The following UGT1A10 variants were observed in gnomAD, a reference collection of about 807,000 sequenced individuals.
UGT1A10 encodes UDP-glucuronosyltransferase 1A10.
In UGT1A10, 49 loss-of-function variants were observed where a neutral mutation model predicts 45.8. The ratio of observed to expected loss-of-function variants is 1.07; its 90% confidence interval spans 0.85 to 1.36. The LOEUF (loss-of-function observed/expected upper bound fraction) is 1.36, where lower values mean the gene tolerates loss of function less well. Ranked by LOEUF, UGT1A10 falls within the 40% of genes most tolerant of loss-of-function variation. The probability of loss-of-function intolerance (pLI) is 0.00; values close to 1 mark genes in which losing one functional copy is unlikely to be tolerated. For synonymous variants in UGT1A10, 284 were observed against 249.7 expected (o/e 1.14, Z -1.29); for missense variants, 745 against 668.6 (o/e 1.11, Z -1.26).
intron 1 of UGT1A10, among the ~76,000 whole-genome samples, chr2:233,710,469 T>C (rs2076133912): frequency 6.6e-6 from 1 of 152,238 alleles, no homozygotes; most frequent in Non-Finnish European, 1.5e-5. Context: ...AATGGGTGTG[T>C]AGTAGAATTT....
At chr2:233,719,270 A>T (rs775879041) in intron 1 of UGT1A10, 1 of 1,614,088 alleles carries the variant, frequency 6.2e-7, no homozygotes, top group South Asian at 1.1e-5. Flanking sequence ...ATGTGGTTTT[A>T]ACAGACCCCG....
chr2:233,767,793 GT>G, intron 2 of UGT1A10, 55 bp from the exon 3 acceptor site: 2 of 1,613,932 alleles, frequency 1.2e-6, no homozygotes, highest in Non-Finnish European at 1.7e-6. Context: ...TAGCAGATTT[GT>G]TTTCTAATCA....
rs1326860704 is a variant in UGT1A10 at position 233,769,636 on chromosome 2, G to A, written c.1295+1197G>A. ...AGCTTGAGCAAGGGACAACAGGGGA[G>A]GACTGATGACTGACTTCCCACCTTT... On this transcript the variant is annotated intron_variant, in intron 4 of 4. Coordinates refer to ENST00000344644, the MANE Select transcript of UGT1A10 (RefSeq NM_019075.4). This position sits in a 1 kb window ranked among gnomAD's most constrained non-coding sequence, Gnocchi z 4.4. 6.8e-6 allele frequency: 11 copies of A among 1,610,668 alleles called. No homozygotes were observed. Among genetic ancestry groups the A allele is most frequent in the Non-Finnish European group, 8.5e-6 (10 of 1,178,970 alleles).
At chr2:233,698,914 C>G (rs12471030) in intron 1 of UGT1A10, among the ~76,000 whole-genome samples, 1 of 152,110 alleles carries the variant, frequency 6.6e-6, no homozygotes, top group Admixed American at 6.5e-5. Flanking sequence ...CAAGGAGGGA[C>G]GTGGCCGTCT....
intron 1 of UGT1A10, among the ~76,000 whole-genome samples, chr2:233,675,336 T>TCAG (rs1275854115): frequency 6.6e-6 from 1 of 152,182 alleles, no homozygotes; most frequent in East Asian, 1.9e-4. Flanking sequence ...TGTAAATAAT[T>TCAG]CAGCAGAACA....
chr2:233,725,068 TCGCAGGCAC>T (rs1237971327), intron 1 of UGT1A10, among the ~76,000 whole-genome samples: 1 of 146,188 alleles, frequency 6.8e-6, no homozygotes, highest in South Asian at 2.4e-4. Context: ...GCGCCTGCAA[TCGCAGGCAC>T]TCGGCAGGCT....
intron 1 of UGT1A10, among the ~76,000 whole-genome samples, chr2:233,746,098 C>T (rs530884234): frequency 6.6e-5 from 10 of 151,904 alleles, no homozygotes; most frequent in South Asian, 2.1e-4. Context: ...AGAAACATGT[C>T]CAGAGTGCTT....
chr2:233,648,189 T>C (rs1346190699), intron 1 of UGT1A10: 2 of 892,996 alleles, frequency 2.2e-6, no homozygotes, highest in Non-Finnish European at 3.4e-6. Flanking sequence ...GTTTAGAATT[T>C]AATTTTTCAC....
intron 1 of UGT1A10, among the ~76,000 whole-genome samples, chr2:233,704,960 A>AC (rs1240949729): frequency 6.6e-6 from 1 of 152,052 alleles, no homozygotes; most frequent in Non-Finnish European, 1.5e-5. Flanking sequence ...ACATGGTGAA[A>AC]CCCCATCTCT....
Position 233,763,798 on chromosome 2 carries a change from A to G in UGT1A10, c.856-3236A>G, listed in dbSNP as rs551390932. ...GAACAACATTGGGAGAAAAGGAATG[A>G]AACTCAAGAATTCCAAGATGTTCCT... On this transcript the variant is annotated intron_variant, in intron 1 of 4. Coordinates refer to ENST00000344644, the MANE Select transcript of UGT1A10 (RefSeq NM_019075.4). Among the ~76,000 whole-genome samples, 8 of 152,368 alleles carry G rather than the reference A, an allele frequency of 5.3e-5. No individual in the cohort carries two copies. The South Asian group carries it at 1.0e-3, about 20-fold the overall frequency.
At chr2:233,756,656 A>G (rs934932092) in intron 1 of UGT1A10, among the ~76,000 whole-genome samples, 3 of 152,202 alleles carry the variant, frequency 2.0e-5, no homozygotes, top group Non-Finnish European at 4.4e-5. Flanking sequence ...CATGGGATGC[A>G]GTGATTATTT....
intron 1 of UGT1A10, among the ~76,000 whole-genome samples, chr2:233,654,071 T>C (rs2073799662): frequency 1.3e-5 from 2 of 152,226 alleles, no homozygotes. Context: ...TCCATAAGTC[T>C]ATACACAGTC....
chr2:233,754,653 C>A, intron 1 of UGT1A10: 1 of 456,442 alleles, frequency 2.2e-6, no homozygotes, highest in Non-Finnish European at 4.4e-6. Flanking sequence ...CTCAATGATT[C>A]TCTTGGTGGT....
Position 233,671,942 on chromosome 2 carries a change from G to A in UGT1A10, c.855+34565G>A, listed in dbSNP as rs145084767. 1.1e-3 allele frequency: 1,748 copies of A among 1,610,580 alleles called. 1 individual carries two copies. The highest frequency in any genetic ancestry group is 1.8e-3 in the Admixed American group (107 of 59,832). On this transcript the variant is annotated intron_variant, in intron 1 of 4. Transcript: ENST00000344644. Reference sequence around the variant, plus strand: ...CTCAGCTGCAGTTCTCTGATGGCTTGCACAGGGTGGACCAGCCCCCTTCCT... The same window carrying A: ...CTCAGCTGCAGTTCTCTGATGGCTTACACAGGGTGGACCAGCCCCCTTCCT...
intron 1 of UGT1A10, chr2:233,693,652 G>T (rs762827824): frequency 8.1e-6 from 13 of 1,614,184 alleles, no homozygotes; most frequent in African/African-American, 1.3e-5. Context: ...TTGTTAATTT[G>T]TTGGAGCCCT....
chr2:233,655,993 G>A (rs1301133293), intron 1 of UGT1A10, among the ~76,000 whole-genome samples: 1 of 152,062 alleles, frequency 6.6e-6, no homozygotes, highest in Non-Finnish European at 1.5e-5. Context: ...CCTTCAAGGT[G>A]GCCATCTAGC....
At chr2:233,756,026 C>T (rs573577160) in intron 1 of UGT1A10, 1 of 152,204 alleles carries the variant, frequency 6.6e-6, no homozygotes, top group Non-Finnish European at 1.5e-5. Context: ...TACACATCCC[C>T]CATGTAGCTT....
intron 1 of UGT1A10, chr2:233,747,460 C>G: frequency 6.2e-7 from 1 of 1,608,790 alleles, no homozygotes; most frequent in South Asian, 1.1e-5. Context: ...TATGCCATTT[C>G]ATGGACCCAG....
intron 1 of UGT1A10, chr2:233,756,058 T>C (rs1696106057): frequency 6.6e-6 from 1 of 152,218 alleles, no homozygotes; most frequent in Admixed American, 6.5e-5. Context: ...CACTGTACAC[T>C]TGTGGGAGAA....
Sources: allele counts gnomAD v4.1 joint callset (sites outside exome capture counted in the v4.1 genomes callset), GRCh38; gene constraint gnomAD v4.1.1; non-coding constraint Gnocchi (gnomAD v3.1); transcripts MANE v1.5; gene names NCBI Gene and HGNC (gene_info 2026-07-23, HGNC 2026-07-21).